Variants in EIF4B observed in about 807,000 individuals in gnomAD.
EIF4B encodes the protein eukaryotic translation initiation factor 4B.
In EIF4B, 8 loss-of-function variants were observed where a neutral mutation model predicts 79.3. The ratio of observed to expected loss-of-function variants is 0.10; its 90% confidence interval spans 0.06 to 0.18. The LOEUF (loss-of-function observed/expected upper bound fraction) is 0.18. EIF4B is among the 10% of genes least tolerant of loss of function. The pLI is 1.00. For synonymous variants in EIF4B, 238 were observed against 274.7 expected (o/e 0.87, Z 1.32); for missense variants, 515 against 792.4 (o/e 0.65, Z 4.20).
intron 8 of EIF4B, among the ~76,000 whole-genome samples, chr12:53,031,228 C>T (rs891287065): frequency 2.0e-5 from 3 of 152,196 alleles, no homozygotes; most frequent in African/African-American, 7.2e-5. Context: ...GGAACATAGC[C>T]CTTTCTCTAT....
chr12:53,040,996 A>G lies in EIF4B; in HGVS notation c.*773A>G, dbSNP rs1339397627. The G allele has an allele frequency of 2.0e-5, 3 of 152,224 alleles. No homozygotes were observed. Among genetic ancestry groups the G allele is most frequent in the African/African-American group, 7.2e-5 (3 of 41,458 alleles). The allele number at this position is 152,224 out of a possible 1,614,324, so 9.4% of individuals were successfully genotyped here. A position where few individuals can be genotyped will look rare whatever the true frequency, so the allele number is the denominator to read the frequency against. On this transcript the variant is annotated 3_prime_UTR_variant, in exon 15 of 15. Coordinates refer to ENST00000262056, the MANE Select transcript of EIF4B (RefSeq NM_001417.7). ...ATGGTTATTTCCTGGAGCCGGAAGC[A>G]CTTGGGGGTCGTGGTAATTCCCAGT...
At chr12:53,014,153 C>T (rs968103335) in intron 1 of EIF4B, among the ~76,000 whole-genome samples, 19 of 151,606 alleles carry the variant, frequency 1.3e-4, no homozygotes, top group African/African-American at 3.6e-4. Flanking sequence ...AAAAGCAGGC[C>T]GGGCGCGTTG....
intron 4 of EIF4B, 159 bp from the exon 5 acceptor site, chr12:53,021,647 G>A (rs962397843): frequency 3.7e-6 from 3 of 810,156 alleles, no homozygotes; most frequent in Non-Finnish European, 6.4e-6. Flanking sequence ...GTCTTTTAAA[G>A]GACTCTTTAG....
intron 1 of EIF4B, among the ~76,000 whole-genome samples, chr12:53,013,147 G>C (rs370426477): frequency 1.3e-5 from 2 of 152,230 alleles, no homozygotes; most frequent in African/African-American, 4.8e-5. Context: ...CTAAAGGGCA[G>C]ATTAATTCCA....
intron 11 of EIF4B, 103 bp from the exon 12 acceptor site, chr12:53,038,250 TTTG>T: frequency 5.3e-6 from 5 of 939,148 alleles, no homozygotes; most frequent in Non-Finnish European, 7.8e-6. Context: ...TGAGTATGAT[TTTG>T]TTTTCTATAA....
chr12:53,017,903 T>C (rs1943173818), intron 2 of EIF4B, among the ~76,000 whole-genome samples: 1 of 152,108 alleles, frequency 6.6e-6, no homozygotes, highest in Admixed American at 6.5e-5. Flanking sequence ...AACAGGAAAT[T>C]TTATATAGGT....
intron 6 of EIF4B, among the ~76,000 whole-genome samples, chr12:53,026,406 A>ATG (rs1456314455): frequency 2.0e-5 from 3 of 152,186 alleles, no homozygotes; most frequent in African/African-American, 7.2e-5. Context: ...TGAAATGCAC[A>ATG]TGTGTGTGTA....
At chr12:53,033,742 C>CTGATTT in intron 8 of EIF4B, 64 bp from the exon 9 acceptor site, 2 of 1,492,134 alleles carry the variant, frequency 1.3e-6, no homozygotes, top group African/African-American at 2.8e-5. Context: ...TCTGAGAAAT[C>CTGATTT]TGGCTTTCAG....
chr12:53,026,606 T>A (rs4502058), intron 6 of EIF4B, among the ~76,000 whole-genome samples: 1 of 151,176 alleles, frequency 6.6e-6, no homozygotes, highest in Non-Finnish European at 1.5e-5. Context: ...TTTATTGATT[T>A]ATTTATTTAT....
At chr12:53,013,815 G>T (rs984351419) in intron 1 of EIF4B, 5 of 151,688 alleles carry the variant, frequency 3.3e-5, no homozygotes, top group African/African-American at 1.2e-4. Flanking sequence ...CATATGAGCT[G>T]CAGCAATAAA....
chr12:53,025,745 TA>T (rs547464917), intron 6 of EIF4B, among the ~76,000 whole-genome samples: 216 of 152,324 alleles, frequency 1.4e-3, no homozygotes, highest in African/African-American at 4.9e-3. Flanking sequence ...CAGGAAATGT[TA>T]TGTCTGGTCA....
In EIF4B at chr12:53,028,027, G is replaced by A. The variant is rs1156578250; in HGVS notation, c.818G>A (p.Arg273Gln). 12 of 1,611,434 alleles carry A rather than the reference G, an allele frequency of 7.4e-6. No homozygotes were observed. Among genetic ancestry groups the A allele is most frequent in the African/African-American group, 2.7e-5 (2 of 74,826 alleles). The stretch of plus-strand genomic sequence containing the variant: ...GATATATTTACAGGCTATGATTCCC[G>A]GATAGGCAGTGGCAGAAGAGCATTT... ...SRDYDRGYDSRIGSGRRAFGS... is the reference protein window; with the variant it reads ...SRDYDRGYDSQIGSGRRAFGS... Residue 273 changes from arginine (R) to glutamine (Q), a missense_variant, in exon 8 of 15, where the codon CGG becomes CAG. This residue lies in a region of EIF4B where 187 missense variants were observed against 256.5 expected (regional missense o/e 0.73). Coordinates refer to ENST00000262056, the MANE Select transcript of EIF4B (RefSeq NM_001417.7).
chr12:53,006,886 T>C (rs1160641597), intron 1 of EIF4B, among the ~76,000 whole-genome samples: 1 of 149,146 alleles, frequency 6.7e-6, no homozygotes, highest in African/African-American at 2.5e-5. Flanking sequence ...CGAGTGCACA[T>C]TAGACTACGT....
At chr12:53,006,588 G>A in intron 1 of EIF4B, 92 bp downstream of exon 1, 1 of 1,603,678 alleles carries the variant, frequency 6.2e-7, no homozygotes, top group Non-Finnish European at 8.5e-7. Flanking sequence ...GGAATTGCTG[G>A]CACTGGTTCC....
chr12:53,035,301 C>T (rs1371582653), intron 10 of EIF4B, among the ~76,000 whole-genome samples: 1 of 151,562 alleles, frequency 6.6e-6, no homozygotes, highest in Non-Finnish European at 1.5e-5. Flanking sequence ...CCTCCCTCAG[C>T]CCTCAGCCTC....
chr12:53,034,912 A>G (rs1318264516), intron 10 of EIF4B, among the ~76,000 whole-genome samples: 1 of 150,858 alleles, frequency 6.6e-6, no homozygotes, highest in East Asian at 1.9e-4. Flanking sequence ...CTGCTTAATA[A>G]TCTACCACTG....
At chr12:53,018,036 T>C (rs966294667) in intron 2 of EIF4B, among the ~76,000 whole-genome samples, 7 of 152,174 alleles carry the variant, frequency 4.6e-5, no homozygotes, top group Non-Finnish European at 8.8e-5. Context: ...GTCGCCCAGG[T>C]TGTAGTGCAG....
chr12:53,036,410 C>T (rs1383493308), intron 10 of EIF4B, among the ~76,000 whole-genome samples: 1 of 151,904 alleles, frequency 6.6e-6, no homozygotes, highest in Non-Finnish European at 1.5e-5. Context: ...CCGTGCCCGG[C>T]CTAGTTTTTT....
intron 2 of EIF4B, 96 bp downstream of exon 2, chr12:53,016,706 C>G (rs1054874264): frequency 6.8e-7 from 1 of 1,463,166 alleles, no homozygotes; most frequent in African/African-American, 1.4e-5. Context: ...CTGAAAAGAA[C>G]TTACTCATTT....
Sources: allele counts gnomAD v4.1 joint callset (sites outside exome capture counted in the v4.1 genomes callset), GRCh38; gene constraint gnomAD v4.1.1; regional missense constraint gnomAD v4.1.1; transcripts MANE v1.5; gene names NCBI Gene and HGNC (gene_info 2026-07-23, HGNC 2026-07-21).